The following TYW1B variants were observed in gnomAD, a reference collection of about 807,000 sequenced individuals.
TYW1B encodes S-adenosyl-L-methionine-dependent tRNA 4-demethylwyosine synthase TYW1B.
TYW1B carries 73 observed loss-of-function variants against 86.9 expected under a neutral mutation model. The ratio of observed to expected loss-of-function variants is 0.84; its 90% CI spans 0.70 to 1.02. TYW1B has a LOEUF of 1.02. TYW1B is among the 50% of genes least tolerant of loss of function. The pLI, the probability that TYW1B is intolerant of heterozygous loss-of-function variation, is 0.00. For missense variants in TYW1B, 637 were observed against 827.4 expected, an observed-to-expected ratio of 0.77 and a Z score of 2.82; for synonymous variants, 248 against 292.8, an observed-to-expected ratio of 0.85 and a Z score of 1.56.
At chr7:72,577,466 C>T (rs2129567502) in intron 13 of TYW1B, among the ~76,000 whole-genome samples, 1 of 152,362 alleles carries the variant, frequency 6.6e-6, no homozygotes, top group South Asian at 2.1e-4. Context: ...CCAAGACAGA[C>T]TGTCCCTGAA....
chr7:72,778,297 AC>A (rs1787992081), intron 6 of TYW1B, among the ~76,000 whole-genome samples: 1 of 152,226 alleles, frequency 6.6e-6, no homozygotes, highest in Non-Finnish European at 1.5e-5. Context: ...CACCTGATGT[AC>A]AATAGGCGTT....
chr7:72,678,836 C>T (rs117295011), intron 11 of TYW1B, among the ~76,000 whole-genome samples: 5,014 of 151,910 alleles, frequency 0.033, 275 homozygotes, highest in East Asian at 0.24. Context: ...CCAACGTGCC[C>T]GGACAATCCC....
chr7:72,794,043 C>T (rs1554474057), intron 6 of TYW1B, among the ~76,000 whole-genome samples: 2 of 152,148 alleles, frequency 1.3e-5, no homozygotes, highest in Admixed American at 6.6e-5. Context: ...CAGAAGCAAA[C>T]GGATCAGCTA....
intron 7 of TYW1B, chr7:72,769,172 GT>G: frequency 2.3e-6 from 1 of 430,946 alleles, no homozygotes; most frequent in Non-Finnish European, 3.7e-6. Flanking sequence ...TTGGAACTGT[GT>G]TACCATGCCA....
intron 7 of TYW1B, among the ~76,000 whole-genome samples, chr7:72,775,206 G>A (rs1554470351): frequency 6.6e-6 from 1 of 152,034 alleles, no homozygotes; most frequent in Non-Finnish European, 1.5e-5. Context: ...ATATATAACT[G>A]TAGTCTTCTA....
At chr7:72,613,401 CTTTTT>C (rs71517349) in intron 13 of TYW1B, among the ~76,000 whole-genome samples, 48 of 80,972 alleles carry the variant, frequency 5.9e-4, no homozygotes, top group African/African-American at 8.4e-4. Flanking sequence ...TTTATATCTT[CTTTTT>C]TTTTTTTTTT....
chr7:72,785,121 T>C (rs1554472222), intron 6 of TYW1B, among the ~76,000 whole-genome samples: 2 of 152,018 alleles, frequency 1.3e-5, no homozygotes, highest in Non-Finnish European at 2.9e-5. Context: ...GTGCTCTAGT[T>C]CTTAGAAACC....
At chr7:72,626,803 T>C (rs1263846842) in intron 12 of TYW1B, among the ~76,000 whole-genome samples, 7 of 151,978 alleles carry the variant, frequency 4.6e-5, no homozygotes, top group Non-Finnish European at 8.8e-5. Context: ...CCACTCACTT[T>C]GTGACTGTTG....
chr7:72,768,478 A>G (rs1787810871), intron 7 of TYW1B, among the ~76,000 whole-genome samples: 1 of 152,142 alleles, frequency 6.6e-6, no homozygotes. Flanking sequence ...CACCTAAAGA[A>G]AAACGACAGA....
intron 11 of TYW1B, among the ~76,000 whole-genome samples, chr7:72,677,201 G>A (rs549873851): frequency 3.3e-5 from 5 of 151,972 alleles, no homozygotes; most frequent in African/African-American, 1.2e-4. Flanking sequence ...TAGGCTGGAG[G>A]GCAGTGACAC....
At position 72,658,114 on chromosome 7, in the gene TYW1B, C is replaced by A. The variant is rs1164885489; in HGVS notation, c.1507-29117G>T. On this transcript the variant is annotated intron_variant, in intron 11 of 13. Coordinates refer to ENST00000620995, the MANE Select transcript of TYW1B (RefSeq NM_001145440.3). ...ACTAAAAAAATACAAAAAAATTAGC[C>A]AGGTGTGGTGGCGGGCGCCTGTAGT... is the stretch of plus-strand genomic sequence containing the variant. Among the ~76,000 whole-genome samples the A allele has an allele frequency of 2.0e-5, 3 of 152,046 alleles. No homozygotes were observed. The East Asian group carries it at 5.8e-4, about 29-fold the overall frequency.
chr7:72,626,658 T>C (rs1458913910), intron 12 of TYW1B, among the ~76,000 whole-genome samples: 1 of 152,154 alleles, frequency 6.6e-6, no homozygotes, highest in Non-Finnish European at 1.5e-5. Flanking sequence ...CTTGATTCTT[T>C]TTTCGTTCAG....
intron 7 of TYW1B, among the ~76,000 whole-genome samples, chr7:72,770,322 G>A (rs1181773118): frequency 1.3e-5 from 2 of 150,896 alleles, no homozygotes; most frequent in African/African-American, 2.4e-5. Flanking sequence ...CCAGCTACTC[G>A]GGAGGCTGAG....
intron 11 of TYW1B, among the ~76,000 whole-genome samples, chr7:72,690,122 G>A (rs550696661): frequency 6.6e-6 from 1 of 152,224 alleles, no homozygotes; most frequent in East Asian, 1.9e-4. Context: ...TTAAATATGA[G>A]GTTTCAAGAA....
At chr7:72,769,660 T>G (rs1479624355) in intron 7 of TYW1B, among the ~76,000 whole-genome samples, 1 of 152,170 alleles carries the variant, frequency 6.6e-6, no homozygotes, top group Non-Finnish European at 1.5e-5. Flanking sequence ...CAACAAAAGA[T>G]TCACATCCAC....
At chr7:72,815,797 T>G (rs35191043) in intron 2 of TYW1B, among the ~76,000 whole-genome samples, 8,786 of 152,154 alleles carry the variant, frequency 0.058, 563 homozygotes, top group East Asian at 0.33. Context: ...CCCAGCACTT[T>G]GGGAGGCTGA....
chr7:72,648,579 G>C (rs1175675887), intron 11 of TYW1B, among the ~76,000 whole-genome samples: 9 of 150,550 alleles, frequency 6.0e-5, no homozygotes, highest in African/African-American at 2.0e-4. Flanking sequence ...CCTGCTTAAA[G>C]ATCAGAAATT....
At chr7:72,615,638 A>G (rs1163184429) in intron 13 of TYW1B, among the ~76,000 whole-genome samples, 1 of 152,174 alleles carries the variant, frequency 6.6e-6, no homozygotes, top group Non-Finnish European at 1.5e-5. Context: ...AACTTTAGTC[A>G]TTGGAATTAT....
At chr7:72,720,847 C>G (rs1200180134) in intron 9 of TYW1B, among the ~76,000 whole-genome samples, 2 of 152,022 alleles carry the variant, frequency 1.3e-5, no homozygotes, top group Non-Finnish European at 2.9e-5. Flanking sequence ...GTGCTGCACC[C>G]GTTAACTCGT....
Sources: gnomAD v4.1 joint callset for allele counts (sites outside exome capture counted in the v4.1 genomes callset) on GRCh38, gnomAD v4.1.1 for gene constraint, MANE v1.5 for transcripts, NCBI Gene and HGNC (gene_info 2026-07-23, HGNC 2026-07-21) for gene names.